OPA1: variants seen among roughly 807,000 people sequenced by gnomAD.
OPA1 encodes OPA1 mitochondrial dynamin like GTPase.
OPA1 carries 59 observed loss-of-function variants against 152.9 expected under a neutral mutation model. That is an observed-to-expected ratio of 0.39 (90% CI 0.31 to 0.48). OPA1 has a LOEUF of 0.48. Ranked by LOEUF, OPA1 falls within the 20% of genes least tolerant of loss-of-function variation. The pLI is 0.96. For missense variants in OPA1, 1,008 were observed against 1,216.8 expected (o/e 0.83, Z 2.55); for synonymous variants, 400 against 389.9 (o/e 1.03, Z -0.31).
In OPA1 at chr3:193,615,703, G is replaced by A. The variant is rs774996101; in HGVS notation, c.381G>A (p.Pro127=). 91 of 1,610,376 alleles carry A rather than the reference G, an allele frequency of 5.7e-5. 1 individual carries two copies. The highest frequency in any genetic ancestry group is 7.0e-5 in the Non-Finnish European group (82 of 1,176,900). ...KTFDQWKDMI[P]DLSEYKWIVP... ...TTGATCAGTGGAAAGATATGATACC[G>A]GACCTTAGTGAATATAAATGGATTG... The change falls in exon 3 of 31, where the codon CCG becomes CCA. Residue 127 remains proline, a synonymous_variant. Transcript: ENST00000361510.
At chr3:193,602,566 TA>T (rs1726630007) in intron 1 of OPA1, among the ~76,000 whole-genome samples, 2 of 152,196 alleles carry the variant, frequency 1.3e-5, no homozygotes. Flanking sequence ...GACTATTTCA[TA>T]AGGGGTCAAT....
At chr3:193,632,356 C>T (rs1469660170) in intron 8 of OPA1, among the ~76,000 whole-genome samples, 1 of 152,140 alleles carries the variant, frequency 6.6e-6, no homozygotes, top group African/African-American at 2.4e-5. Context: ...TGGCAGGCGC[C>T]TGTAGTCCCA....
chr3:193,667,349 C>T (rs1351070625), intron 29 of OPA1, 69 bp downstream of exon 29: 1 of 844,012 alleles, frequency 1.2e-6, no homozygotes, highest in Admixed American at 1.7e-5. Context: ...GTTTGTTGAT[C>T]CATTTAATCT....
At chr3:193,665,049 A>G in intron 27 of OPA1, 53 bp downstream of exon 27, 1 of 981,576 alleles carries the variant, frequency 1.0e-6, no homozygotes, top group Non-Finnish European at 1.6e-6. Context: ...TTGTCAAAAT[A>G]TGCTTAAAAG....
intron 1 of OPA1, among the ~76,000 whole-genome samples, chr3:193,609,935 T>C (rs980534301): frequency 4.0e-5 from 2 of 49,966 alleles, no homozygotes; most frequent in African/African-American, 1.4e-4. Context: ...AGTTAGCCGT[T>C]CGTCGAATTT....
rs774668971 is a variant in OPA1, at chr3:193,631,660, A to G, written c.838A>G (p.Thr280Ala). The change falls in exon 8 of 31, where the codon ACT becomes GCT. Residue 280 changes from threonine (T) to alanine (A), a missense_variant. Coordinates refer to ENST00000361510, the MANE Select transcript of OPA1 (RefSeq NM_130837.3). ...CCAACTTCAGGAAGAACTTCTGCAC[A>G]CTCAGGTAATCATGATGACTAAGAA... ...IDQLQEELLH[T>A]QLKYQRILER... is the part of the protein sequence containing the mutation. 45 of 1,610,918 alleles carry G rather than the reference A, an allele frequency of 2.8e-5. No homozygotes were observed. Among genetic ancestry groups the G allele is most frequent in the Non-Finnish European group, 3.6e-5 (42 of 1,177,562 alleles).
chr3:193,598,052 C>T (rs1036025282), intron 1 of OPA1, among the ~76,000 whole-genome samples: 4 of 152,020 alleles, frequency 2.6e-5, no homozygotes, highest in African/African-American at 9.7e-5. Context: ...TTGCACTCCA[C>T]GTTGGGCAAC....
chr3:193,625,692 A>C (rs1730996228), intron 6 of OPA1, among the ~76,000 whole-genome samples: 1 of 152,092 alleles, frequency 6.6e-6, no homozygotes, highest in Non-Finnish European at 1.5e-5. Flanking sequence ...TTTAATAAGT[A>C]AGTAAGCTAT....
intron 11 of OPA1, among the ~76,000 whole-genome samples, 158 bp downstream of exon 11, chr3:193,638,223 A>G (rs1486599804): frequency 6.6e-6 from 1 of 152,226 alleles, no homozygotes. Context: ...AGGCACAGCC[A>G]GGAGGCCAGT....
At position 193,658,901 on chromosome 3, in the gene OPA1, C is replaced by G; in HGVS notation, c.2346C>G (p.His782Gln). 1 of 1,613,082 alleles carries G rather than the reference C, an allele frequency of 6.2e-7. No individual in the cohort carries two copies. Among genetic ancestry groups the G allele is most frequent in the Non-Finnish European group, 8.5e-7 (1 of 1,179,132 alleles). Reference protein sequence around the residue: ...FAEDSLRVIQHNALEDRSISD... With the variant: ...FAEDSLRVIQQNALEDRSISD... ...GTTATTTTCAGAGGGTTATTCAACA[C>G]AATGCTTTGGAAGACCGATCCATAT... The change falls in exon 24 of 31, where the codon CAC becomes CAG. Residue 782 changes from histidine to glutamine, a missense_variant. Physicochemically the swap from His to Gln is conservative, Grantham distance 24. Around this residue, in one of 7 missense-constraint regions of OPA1, gnomAD observed 229 missense variants for 269.0 expected, o/e 0.85. Coordinates refer to ENST00000361510, the MANE Select transcript of OPA1 (RefSeq NM_130837.3).
chr3:193,692,390 T>C (rs1005546944), intron 30 of OPA1, among the ~76,000 whole-genome samples: 3 of 152,210 alleles, frequency 2.0e-5, no homozygotes, highest in Non-Finnish European at 2.9e-5. Context: ...AGCTAAGATA[T>C]TGTATAATAT....
chr3:193,685,826 A>G (rs1396414112), intron 29 of OPA1, among the ~76,000 whole-genome samples: 2 of 152,234 alleles, frequency 1.3e-5, no homozygotes, highest in Admixed American at 1.3e-4. Flanking sequence ...CATTTTAATC[A>G]TAAGTTTTAA....
At chr3:193,665,434 G>A (rs1160298593) in intron 27 of OPA1, among the ~76,000 whole-genome samples, 1 of 151,974 alleles carries the variant, frequency 6.6e-6, no homozygotes, top group African/African-American at 2.4e-5. Flanking sequence ...TTGCATAATG[G>A]AAATCATCCT....
In OPA1 at chr3:193,697,014, T is replaced by C. The variant is rs1722303997; in HGVS notation, c.*2414T>C. 1 of 152,204 alleles carries C rather than the reference T, an allele frequency of 6.6e-6. No homozygotes were observed. The highest frequency in any genetic ancestry group is 1.5e-5 in the Non-Finnish European group (1 of 68,046). The allele number at this position is 152,204 out of a possible 1,614,324, so 9.4% of individuals were successfully genotyped here. On this transcript the variant is annotated 3_prime_UTR_variant, in exon 31 of 31. Transcript: ENST00000361510. The stretch of plus-strand genomic sequence containing the variant: ...TCTACAGTTTTTTCCGCAGACTTCT[T>C]TCTGCAAATTATTCAGCCTCCAAAT...
rs1560328059 is a variant in OPA1, at chr3:193,614,948, G to C, written c.258G>C (p.Arg86Ser). Residue 86 changes from arginine to serine, a missense_variant, in exon 2 of 31, where the codon AGG becomes AGC. This residue lies in a region of OPA1 where 408 missense variants were observed against 395.1 expected (regional missense o/e 1.03). Transcript: ENST00000361510. ...TTAAATATGGCTACCAGCCTCGCAG[G>C]AATTTTTGGCCAGCAAGATTAGCTA... ...SPIKYGYQPR[R>S]NFWPARLATR... 1 of 1,614,028 alleles carries C rather than the reference G, an allele frequency of 6.2e-7. No individual in the cohort carries two copies. The highest frequency in any genetic ancestry group is 8.5e-7 in the Non-Finnish European group (1 of 1,179,946).
At chr3:193,679,759 C>T (rs750990421) in intron 29 of OPA1, among the ~76,000 whole-genome samples, 7 of 152,050 alleles carry the variant, frequency 4.6e-5, no homozygotes, top group Non-Finnish European at 8.8e-5. Context: ...TAAAGAGGTA[C>T]ATAATGTTTT....
chr3:193,661,614 G>C (rs1162801808), intron 25 of OPA1, among the ~76,000 whole-genome samples: 1 of 152,150 alleles, frequency 6.6e-6, no homozygotes, highest in African/African-American at 2.4e-5. Flanking sequence ...AGTATTTTGT[G>C]CTTTTGTGTT....
At chr3:193,630,943 T>C (rs1397541249) in intron 7 of OPA1, among the ~76,000 whole-genome samples, 2 of 152,230 alleles carry the variant, frequency 1.3e-5, no homozygotes, top group African/African-American at 4.8e-5. Context: ...TTGTTTTATA[T>C]TGAAATTAAT....
chr3:193,687,018 A>G (rs1721020339), intron 29 of OPA1, among the ~76,000 whole-genome samples: 1 of 152,254 alleles, frequency 6.6e-6, no homozygotes, highest in South Asian at 2.1e-4. Flanking sequence ...GTTATTAACC[A>G]CTGAAGTGAA....
Sources: gnomAD v4.1 joint callset for allele counts (sites outside exome capture counted in the v4.1 genomes callset) on GRCh38, gnomAD v4.1.1 for gene constraint, gnomAD v4.1.1 regional missense constraint, MANE v1.5 for transcripts, NCBI Gene and HGNC (gene_info 2026-07-23, HGNC 2026-07-21) for gene names.